INTS2: variants seen among roughly 807,000 people sequenced by gnomAD.
INTS2 encodes the protein KIAA1287.
INTS2 carries 57 observed loss-of-function variants against 139.6 expected under a neutral mutation model. That is an observed-to-expected ratio of 0.41 (90% CI 0.33 to 0.51). The LOEUF (loss-of-function observed/expected upper bound fraction) is 0.51. Ranked by LOEUF, INTS2 falls within the 20% of genes least tolerant of loss-of-function variation. INTS2 has a pLI of 0.28. For missense variants in INTS2, 1,196 were observed against 1,436.7 expected (o/e 0.83, Z 2.71); for synonymous variants, 473 against 493.4 (o/e 0.96, Z 0.55).
intron 15 of INTS2, among the ~76,000 whole-genome samples, chr17:61,887,768 C>G (rs2079244090): frequency 6.6e-6 from 1 of 151,554 alleles, no homozygotes; most frequent in African/African-American, 2.4e-5. Context: ...AAAAGAAAAT[C>G]CAGGCCGGGT....
rs1567885719 is a variant in INTS2, at chr17:61,868,983, G to A, written c.3244+51C>T. 2 of 1,059,146 alleles carry A rather than the reference G, an allele frequency of 1.9e-6. No homozygotes were observed. The highest frequency in any genetic ancestry group is 2.4e-5 in the East Asian group (1 of 42,224). The allele number at this position is 1,059,146 out of a possible 1,614,324, so 65.6% of individuals were successfully genotyped here. Reference sequence around the variant, plus strand: ...GCATCACTAAATGCAGAAAATATAGGAACTATAATAATTTATGTCAGATGT... The same window carrying A: ...GCATCACTAAATGCAGAAAATATAGAAACTATAATAATTTATGTCAGATGT... On this transcript the variant is annotated intron_variant, in intron 23 of 24. Transcript: ENST00000251334. This position sits in a 1 kb window ranked among gnomAD's most constrained non-coding sequence, Gnocchi z 4.7.
At chr17:61,917,334 G>T (rs1298923815) in intron 5 of INTS2, among the ~76,000 whole-genome samples, 1 of 152,140 alleles carries the variant, frequency 6.6e-6, no homozygotes, top group African/African-American at 2.4e-5. Flanking sequence ...ACATGCGCTT[G>T]TATGTTCATC....
Position 61,889,838 on chromosome 17 carries a change from G to C in INTS2, c.1932C>G (p.Leu644=). ...CCTCTTCATAAGACAGTATATAGTA[G>C]AGCACCAAAAGCTGTGCTGTGATAC... ...RFSITAQLLV[L]YYILSYEEAL... Residue 644 remains leucine (L), a synonymous_variant, in exon 15 of 25, where the codon CTC becomes CTG. Coordinates refer to ENST00000251334, the MANE Select transcript of INTS2 (RefSeq NM_001351695.2). 2.5e-6 allele frequency: 4 copies of C among 1,612,300 alleles called. No homozygotes were observed. Among genetic ancestry groups the C allele is most frequent in the African/African-American group, 1.3e-5 (1 of 75,034 alleles).
intron 17 of INTS2, among the ~76,000 whole-genome samples, chr17:61,878,375 C>CT (rs1198177061): frequency 1.3e-5 from 2 of 151,724 alleles, no homozygotes; most frequent in African/African-American, 4.8e-5. Flanking sequence ...TCAGCCTGGC[C>CT]AACATGGTGA....
At position 61,897,513 on chromosome 17, in the gene INTS2, G is replaced by A. The variant is rs757665554; in HGVS notation, c.1450C>T (p.Leu484Phe). The stretch of plus-strand genomic sequence containing the variant: ...CAGACCAAGTCAATGATAGCACTAA[G>A]CTGGTTGCTGTGAAAGTACATAGCC... ...LVAMYFHSNQLSAIIDLVCST... is the reference protein window; with the variant it reads ...LVAMYFHSNQFSAIIDLVCST... Residue 484 changes from leucine (L) to phenylalanine (F), a missense_variant, in exon 11 of 25, where the codon CTT becomes TTT. By Grantham distance (22) the Leu-to-Phe change is conservative. Transcript: ENST00000251334. The surrounding 1 kb of genome is among the most constrained non-coding windows in gnomAD (Gnocchi z 4.4). 6.2e-7 allele frequency: 1 copy of A among 1,603,578 alleles called. No individual in the cohort carries two copies. Among genetic ancestry groups the A allele is most frequent in the African/African-American group, 1.3e-5 (1 of 74,782 alleles).
intron 15 of INTS2, among the ~76,000 whole-genome samples, chr17:61,886,529 C>T (rs1355570123): frequency 6.6e-6 from 1 of 152,214 alleles, no homozygotes; most frequent in African/African-American, 2.4e-5. Flanking sequence ...TCCCTGCCTC[C>T]AATTTAATCC....
At chr17:61,892,077 C>G (rs1485473502) in intron 13 of INTS2, among the ~76,000 whole-genome samples, 1 of 152,018 alleles carries the variant, frequency 6.6e-6, no homozygotes, top group African/African-American at 2.4e-5. Flanking sequence ...CTCAGATAGA[C>G]TAAGAAAATG....
intron 8 of INTS2, among the ~76,000 whole-genome samples, chr17:61,905,908 G>A (rs1235522485): frequency 1.3e-5 from 2 of 152,072 alleles, no homozygotes; most frequent in African/African-American, 4.8e-5. Context: ...TGTTGGTCAG[G>A]CTGGTCTCGA....
At chr17:61,894,046 T>C in intron 12 of INTS2, 147 bp from the exon 13 acceptor site, 1 of 475,226 alleles carries the variant, frequency 2.1e-6, no homozygotes, top group Non-Finnish European at 3.6e-6. Flanking sequence ...ATGTTTTAAT[T>C]GTCTTTGAAT....
At chr17:61,916,211 G>T (rs1284368416) in intron 5 of INTS2, among the ~76,000 whole-genome samples, 1 of 152,098 alleles carries the variant, frequency 6.6e-6, no homozygotes, top group African/African-American at 2.4e-5. Context: ...GAGGCGGGCA[G>T]ACCACGAGGT....
In INTS2 at chr17:61,867,916, A is replaced by G. The variant is rs2079058863; in HGVS notation, c.3338T>C (p.Ile1113Thr). ...CRAFPPLYED[I>T]MSLLIQIGQV... ...CCCTATTTGGATCAGCAAAGACATA[A>G]TATCCTCATACAATGGAGGAAATGC... Residue 1113 changes from isoleucine to threonine, a missense_variant, in exon 24 of 25, where the codon ATT becomes ACT. Ile to Thr is a moderately conservative substitution (Grantham distance 89). Transcript: ENST00000251334. The surrounding 1 kb of genome is among the most constrained non-coding windows in gnomAD (Gnocchi z 5.6). 6.2e-7 allele frequency: 1 copy of G among 1,612,854 alleles called. No homozygotes were observed. Among genetic ancestry groups the G allele is most frequent in the Non-Finnish European group, 8.5e-7 (1 of 1,179,472 alleles).
chr17:61,878,954 A>AAAAAAAAC (rs2079152205), intron 17 of INTS2, among the ~76,000 whole-genome samples: 2 of 148,456 alleles, frequency 1.3e-5, no homozygotes, highest in African/African-American at 5.0e-5. Context: ...AAAAAAAAAA[A>AAAAAAAAC]CACTTTACTG....
At chr17:61,904,679 T>C in intron 8 of INTS2, 94 bp from the exon 9 acceptor site, 1 of 1,034,156 alleles carries the variant, frequency 9.7e-7, no homozygotes, top group Non-Finnish European at 1.4e-6. Flanking sequence ...TTTTAAACTT[T>C]ATAATGGTAT....
intron 5 of INTS2, among the ~76,000 whole-genome samples, chr17:61,913,812 C>G (rs2079550881): frequency 6.6e-6 from 1 of 152,018 alleles, no homozygotes; most frequent in South Asian, 2.1e-4. Context: ...GAATTAAGAG[C>G]ACCAAAAATG....
rs940126605 is a variant in INTS2 at position 61,897,059 on chromosome 17, G to A, written c.1494+410C>T. 6.6e-6 allele frequency among the ~76,000 whole-genome samples: 1 copy of A among 151,992 alleles called. No individual in the cohort carries two copies. Among genetic ancestry groups the A allele is most frequent in the African/African-American group, 2.4e-5 (1 of 41,430 alleles). On this transcript the variant is annotated intron_variant, in intron 11 of 24. Coordinates refer to ENST00000251334, the MANE Select transcript of INTS2 (RefSeq NM_001351695.2). The surrounding 1 kb of genome is among the most constrained non-coding windows in gnomAD (Gnocchi z 4.4). ...GAAATAATAAGGGACCTATTAAGAA[G>A]ATCAAACAATGGACTATAAGACAAT...
Position 61,927,813 on chromosome 17 carries a change from T to G in INTS2, c.-178A>C. 6.2e-7 allele frequency: 1 copy of G among 1,609,572 alleles called. No individual in the cohort carries two copies. The highest frequency in any genetic ancestry group is 8.5e-7 in the Non-Finnish European group (1 of 1,177,500). On this transcript the variant is annotated 5_prime_UTR_variant, in exon 1 of 25. The change abolishes the stop of an existing upstream ORF in the 5' untranslated region. Coordinates refer to ENST00000251334, the MANE Select transcript of INTS2 (RefSeq NM_001351695.2). ...TCGAGTCGACTCGGACACCAAGAAC[T>G]CAGACGCCGGGACCAACCGGGTTGT...
chr17:61,916,451 C>T (rs553669797), intron 5 of INTS2, among the ~76,000 whole-genome samples: 10 of 152,120 alleles, frequency 6.6e-5, no homozygotes, highest in African/African-American at 2.2e-4. Flanking sequence ...AATAAACAGA[C>T]ACACGGACCA....
Position 61,867,310 on chromosome 17 carries a change from T to G in INTS2, c.*247A>C. Reference sequence around the variant, plus strand: ...ATGAGTTTCTTACATGTGTTCCCAGTGGAAAAAAAAAAAGCTCAGCTGCTA... The same window carrying G: ...ATGAGTTTCTTACATGTGTTCCCAGGGGAAAAAAAAAAAGCTCAGCTGCTA... On this transcript the variant is annotated 3_prime_UTR_variant, in exon 25 of 25. Transcript: ENST00000251334. This position sits in a 1 kb window ranked among gnomAD's most constrained non-coding sequence, Gnocchi z 5.6. The G allele has an allele frequency of 3.7e-6, 1 of 268,216 alleles. No homozygotes were observed. The highest frequency in any genetic ancestry group is 6.9e-6 in the Non-Finnish European group (1 of 144,038). 16.6% of individuals were successfully genotyped at this position (268,216 alleles called of 1,614,324 possible). A position where few individuals can be genotyped will look rare whatever the true frequency, so the allele number is the denominator to read the frequency against.
At chr17:61,877,842 C>A in intron 18 of INTS2, 45 bp downstream of exon 18, 1 of 1,470,248 alleles carries the variant, frequency 6.8e-7, no homozygotes, top group South Asian at 1.1e-5. Flanking sequence ...TATATTATCC[C>A]TGCTATATAA....
Sources: allele counts gnomAD v4.1 joint callset (sites outside exome capture counted in the v4.1 genomes callset), GRCh38; gene constraint gnomAD v4.1.1; non-coding constraint Gnocchi (gnomAD v3.1); transcripts MANE v1.5; gene names NCBI Gene and HGNC (gene_info 2026-07-23, HGNC 2026-07-21).